Variants in QTMAN observed in about 807,000 individuals in gnomAD.
QTMAN encodes tRNA-queuosine alpha-mannosyltransferase.
At chr2:144,149,591 T>C in the QTMAN span, among the ~76,000 whole-genome samples, 1 of 152,034 alleles carries the variant, frequency 6.6e-6, no homozygotes, top group Admixed American at 6.6e-5. Flanking sequence ...ATCATTAGCT[T>C]ACCATTTCAC....
the QTMAN span, among the ~76,000 whole-genome samples, chr2:144,147,338 T>A: frequency 1.6e-4 from 25 of 151,528 alleles, no homozygotes; most frequent in African/African-American, 5.1e-4. Context: ...AAAAAAAAAA[T>A]TATGACCAAA....
At chr2:143,995,526 A>G in the QTMAN span, among the ~76,000 whole-genome samples, 3 of 152,184 alleles carry the variant, frequency 2.0e-5, no homozygotes, top group Non-Finnish European at 4.4e-5. Context: ...CAATTCTGTA[A>G]TGTAGTTAAC....
the QTMAN span, among the ~76,000 whole-genome samples, chr2:144,246,325 G>A: frequency 7.2e-5 from 11 of 152,188 alleles, no homozygotes; most frequent in South Asian, 2.1e-3. Context: ...TGTAATCCCA[G>A]CACTTTGGGA....
the QTMAN span, among the ~76,000 whole-genome samples, chr2:144,020,911 AAAAT>A: frequency 5.3e-5 from 8 of 152,264 alleles, no homozygotes; most frequent in South Asian, 1.0e-3. Flanking sequence ...AACTAAAAAA[AAAAT>A]AAATAAATAA....
chr2:144,114,753 A>G, the QTMAN span, among the ~76,000 whole-genome samples: 1 of 152,198 alleles, frequency 6.6e-6, no homozygotes, highest in Non-Finnish European at 1.5e-5. Flanking sequence ...CAGCTTAAAT[A>G]TCCTTCTGAG....
chr2:143,952,004 A>G, the QTMAN span: 1 of 1,580,806 alleles, frequency 6.3e-7, no homozygotes, highest in Non-Finnish European at 8.7e-7. Flanking sequence ...TTTTCTTATA[A>G]TATCTGGTCT....
At chr2:144,108,042 C>G in the QTMAN span, among the ~76,000 whole-genome samples, 1 of 152,080 alleles carries the variant, frequency 6.6e-6, no homozygotes, top group African/African-American at 2.4e-5. Flanking sequence ...AGGCCTTTGA[C>G]AAAATTCAAC....
At chr2:144,135,328 C>T in the QTMAN span, among the ~76,000 whole-genome samples, 1 of 151,754 alleles carries the variant, frequency 6.6e-6, no homozygotes, top group South Asian at 2.1e-4. Context: ...TGGGCACTGC[C>T]CTATAAGACA....
the QTMAN span, among the ~76,000 whole-genome samples, chr2:143,983,613 C>G: frequency 6.6e-6 from 1 of 151,906 alleles, no homozygotes; most frequent in Non-Finnish European, 1.5e-5. Flanking sequence ...GCTGGGACTA[C>G]AGGTCCCCTG....
At chr2:144,232,101 A>T in the QTMAN span, among the ~76,000 whole-genome samples, 1 of 152,114 alleles carries the variant, frequency 6.6e-6, no homozygotes, top group African/African-American at 2.4e-5. Flanking sequence ...AGCTCTGCAT[A>T]AAAAAAGCCA....
At chr2:144,061,924 C>A in the QTMAN span, among the ~76,000 whole-genome samples, 2 of 152,086 alleles carry the variant, frequency 1.3e-5, no homozygotes, top group East Asian at 1.9e-4. Flanking sequence ...GCGGGATTGC[C>A]GAACTCCAGG....
the QTMAN span, among the ~76,000 whole-genome samples, chr2:144,128,566 T>C: frequency 1.3e-5 from 2 of 152,172 alleles, no homozygotes; most frequent in Admixed American, 1.3e-4. Flanking sequence ...ATGCAGTGAA[T>C]GACTCTAGTA....
the QTMAN span, among the ~76,000 whole-genome samples, chr2:144,017,531 T>C: frequency 6.6e-6 from 1 of 152,184 alleles, no homozygotes; most frequent in Non-Finnish European, 1.5e-5. Flanking sequence ...TGAGGCAAAA[T>C]GGCATAAAGG....
the QTMAN span, among the ~76,000 whole-genome samples, chr2:144,321,629 A>T: frequency 6.6e-6 from 1 of 152,150 alleles, no homozygotes; most frequent in African/African-American, 2.4e-5. Context: ...TAAGAGACAG[A>T]GTCTCACTCT....
At chr2:144,004,266 A>G in the QTMAN span, among the ~76,000 whole-genome samples, 1 of 152,030 alleles carries the variant, frequency 6.6e-6, no homozygotes, top group Non-Finnish European at 1.5e-5. Flanking sequence ...TTGAACAAGA[A>G]ACACAACCCT....
At chr2:144,141,839 T>A in the QTMAN span, 1 of 1,419,762 alleles carries the variant, frequency 7.0e-7, no homozygotes, top group Non-Finnish European at 9.7e-7. Context: ...ATTTGAGGAA[T>A]AATTTATGAC....
At chr2:144,284,161 A>C in the QTMAN span, among the ~76,000 whole-genome samples, 1 of 152,174 alleles carries the variant, frequency 6.6e-6, no homozygotes, top group Non-Finnish European at 1.5e-5. Context: ...TAAAATGGTA[A>C]TACTTTGTGG....
the QTMAN span, among the ~76,000 whole-genome samples, chr2:144,173,443 G>A: frequency 1.3e-5 from 2 of 152,188 alleles, no homozygotes; most frequent in Non-Finnish European, 2.9e-5. Context: ...AAAGGTTCAC[G>A]TGGCAAGAAA....
At chr2:144,302,216 T>C in the QTMAN span, among the ~76,000 whole-genome samples, 2 of 151,736 alleles carry the variant, frequency 1.3e-5, no homozygotes, top group South Asian at 4.1e-4. Flanking sequence ...CCACAAATAC[T>C]GCTTTTCCTC....
Sources: allele counts gnomAD v4.1 joint callset (sites outside exome capture counted in the v4.1 genomes callset), GRCh38; gene constraint gnomAD v4.1.1; transcripts MANE v1.5; gene names NCBI Gene and HGNC (gene_info 2026-07-23, HGNC 2026-07-21).